The following TENM3 variants were observed in gnomAD, a reference collection of about 807,000 sequenced individuals.
TENM3 encodes teneurin-3.
A neutral mutation model predicts 255.1 loss-of-function variants in TENM3; 63 were observed. The observed-to-expected ratio is 0.25, with a 90% confidence interval of 0.20 to 0.30. The LOEUF is 0.30. TENM3 is among the 10% of genes least tolerant of loss of function. The pLI is 1.00. For missense variants in TENM3, 2,929 were observed against 3,461.1 expected (o/e 0.85, Z 3.86); for synonymous variants, 1,306 against 1,322.3 (o/e 0.99, Z 0.27).
At chr4:182,164,705 T>A (rs2149664323) in intron 1 of TENM3, among the ~76,000 whole-genome samples, 1 of 152,362 alleles carries the variant, frequency 6.6e-6, no homozygotes, top group East Asian at 1.9e-4. Flanking sequence ...TGCTCCCTTT[T>A]GTTTAACTGG....
intron 4 of TENM3, among the ~76,000 whole-genome samples, chr4:182,615,036 A>AAG (rs1749345814): frequency 1.2e-5 from 1 of 84,712 alleles, no homozygotes; most frequent in Non-Finnish European, 2.5e-5. Flanking sequence ...CAGAAAAAAA[A>AAG]AAAAAAATAC....
At chr4:182,398,366 G>T (rs1768996421) in intron 3 of TENM3, among the ~76,000 whole-genome samples, 1 of 151,984 alleles carries the variant, frequency 6.6e-6, no homozygotes, top group African/African-American at 2.4e-5. Flanking sequence ...CCTCCACTGG[G>T]GTTACTGTAG....
chr4:181,887,556 T>C, the TENM3 span, among the ~76,000 whole-genome samples: 2 of 152,220 alleles, frequency 1.3e-5, no homozygotes, highest in African/African-American at 4.8e-5. Context: ...CCTTGAATCA[T>C]GCTTTATATT....
the TENM3 span, among the ~76,000 whole-genome samples, chr4:182,138,705 G>C: frequency 1.3e-5 from 2 of 152,198 alleles, no homozygotes; most frequent in African/African-American, 4.8e-5. Context: ...GTATCTACAT[G>C]TTATAGGTGC....
At chr4:182,658,488 A>G (rs13132478) in intron 6 of TENM3, among the ~76,000 whole-genome samples, 26,588 of 152,106 alleles carry the variant, frequency 0.17, 2,440 homozygotes, top group African/African-American at 0.19. Flanking sequence ...TCAACTACAT[A>G]TTTTGTAGAC....
In TENM3 at chr4:182,443,466, G is replaced by T. The variant is rs574633620; in HGVS notation, c.511+96537G>T. Among the ~76,000 whole-genome samples the T allele has an allele frequency of 3.9e-5, 6 of 152,268 alleles. No individual in the cohort carries two copies. The South Asian group carries it at 1.0e-3, about 26-fold the overall frequency. ...TTGGACACCTGATGGCTTGACTTGG[G>T]TTGGGTCCTCAGCTCTTGCTACGTA... On this transcript the variant is annotated intron_variant, in intron 3 of 27. Coordinates refer to ENST00000511685, the MANE Select transcript of TENM3 (RefSeq NM_001080477.4).
the TENM3 span, among the ~76,000 whole-genome samples, chr4:181,817,023 G>A: frequency 6.6e-6 from 1 of 152,196 alleles, no homozygotes; most frequent in African/African-American, 2.4e-5. Context: ...CACGTGCAAA[G>A]TGTATGTCAC....
intron 1 of TENM3, among the ~76,000 whole-genome samples, chr4:182,265,301 T>A (rs1759174233): frequency 6.6e-6 from 1 of 152,168 alleles, no homozygotes; most frequent in East Asian, 1.9e-4. Flanking sequence ...ACTTGACTCT[T>A]TGCACACTTG....
Position 182,799,736 on chromosome 4 carries a change from G to T in TENM3, c.7485G>T (p.Leu2495=). The change falls in exon 28 of 28, where the codon CTG becomes CTT. Residue 2495 remains leucine (L), a synonymous_variant. Coordinates refer to ENST00000511685, the MANE Select transcript of TENM3 (RefSeq NM_001080477.4). The surrounding 1 kb of genome is among the most constrained non-coding windows in gnomAD (Gnocchi z 4.2). Reference sequence around the variant, plus strand: ...TGTGGTTCGCCACGGTCAAGTCGCTGATCGGCAAGGGCGTCATGCTGGCCG... The same window carrying T: ...TGTGGTTCGCCACGGTCAAGTCGCTTATCGGCAAGGGCGTCATGCTGGCCG... ...SWLWFATVKS[L]IGKGVMLAVS... 1 of 1,559,080 alleles carries T rather than the reference G, an allele frequency of 6.4e-7. No homozygotes were observed. The highest frequency in any genetic ancestry group is 1.2e-5 in the South Asian group (1 of 84,486).
At chr4:181,924,170 A>T in the TENM3 span, among the ~76,000 whole-genome samples, 2 of 152,112 alleles carry the variant, frequency 1.3e-5, no homozygotes, top group Non-Finnish European at 2.9e-5. Flanking sequence ...AAACCAATGG[A>T]TTCCCCAAAT....
chr4:182,026,305 A>AT, the TENM3 span, among the ~76,000 whole-genome samples: 653 of 151,998 alleles, frequency 4.3e-3, 6 homozygotes, highest in African/African-American at 0.015. Flanking sequence ...TTTTAATTGG[A>AT]TTGTTAGATT....
chr4:182,606,136 C>A (rs977375287), intron 4 of TENM3, among the ~76,000 whole-genome samples: 35 of 152,134 alleles, frequency 2.3e-4, no homozygotes, highest in African/African-American at 8.0e-4. Context: ...CTATTGGCCT[C>A]CAAAATATGT....
chr4:182,605,375 A>G (rs6818877), intron 4 of TENM3, among the ~76,000 whole-genome samples: 48,896 of 151,906 alleles, frequency 0.32, 9,718 homozygotes, highest in East Asian at 0.66. Flanking sequence ...ATTACTGAAT[A>G]TGGAAAAGAG....
the TENM3 span, among the ~76,000 whole-genome samples, chr4:181,618,123 CCT>C: frequency 1.3e-5 from 2 of 152,152 alleles, no homozygotes; most frequent in Non-Finnish European, 2.9e-5. Context: ...ATTTACTTCC[CCT>C]GAGTATAGCA....
At chr4:181,903,064 G>A in the TENM3 span, among the ~76,000 whole-genome samples, 1 of 152,080 alleles carries the variant, frequency 6.6e-6, no homozygotes, top group Admixed American at 6.6e-5. Flanking sequence ...TTATCCATGA[G>A]TGGTTTCCTA....
In TENM3 at chr4:182,681,888, G is replaced by A. The variant is rs754999907; in HGVS notation, c.1909G>A (p.Gly637Arg). ...GGAATGTCACTGCAGTCCAGGATGG[G>A]GAGGTAGCAATTGTGAAATACTGAA... ...HGECHCSPGWGGSNCEILKTM... is the reference protein window; with the variant it reads ...HGECHCSPGWRGSNCEILKTM... The change falls in exon 11 of 28, where the codon GGA becomes AGA. Residue 637 changes from glycine to arginine, a missense_variant. This residue lies in a region of TENM3 where 1,608 missense variants were observed against 1,884.4 expected (regional missense o/e 0.85). Transcript: ENST00000511685. The A allele has an allele frequency of 6.2e-7, 1 of 1,613,916 alleles. No homozygotes were observed. The highest frequency in any genetic ancestry group is 1.1e-5 in the South Asian group (1 of 91,076).
the TENM3 span, among the ~76,000 whole-genome samples, chr4:181,951,549 C>T: frequency 6.6e-6 from 1 of 152,166 alleles, no homozygotes; most frequent in African/African-American, 2.4e-5. Flanking sequence ...CGGCAAAGTC[C>T]ATATTTGAAA....
In TENM3 at chr4:182,628,707, C is replaced by A; in HGVS notation, c.806C>A (p.Pro269Gln). The A allele has an allele frequency of 6.2e-7, 1 of 1,607,916 alleles. No homozygotes were observed. ...ACGCCACTGTTCAGTACTGCAACCCCAGGATACACAATGGCATCTGGCTCT... is the reference window on the plus strand; with the variant it reads ...ACGCCACTGTTCAGTACTGCAACCCAAGGATACACAATGGCATCTGGCTCT... Reference protein sequence around the residue: ...GTTPLFSTATPGYTMASGSVY... With the variant: ...GTTPLFSTATQGYTMASGSVY... Residue 269 changes from proline (P) to glutamine (Q), a missense_variant, in exon 5 of 28, where the codon CCA becomes CAA. Transcript: ENST00000511685.
the TENM3 span, among the ~76,000 whole-genome samples, chr4:181,733,177 C>G: frequency 6.6e-6 from 1 of 152,004 alleles, no homozygotes; most frequent in African/African-American, 2.4e-5. Context: ...GAAAGTAGAA[C>G]CTTATTTTTC....
Sources: allele counts gnomAD v4.1 joint callset (sites outside exome capture counted in the v4.1 genomes callset), GRCh38; gene constraint gnomAD v4.1.1; regional missense constraint gnomAD v4.1.1; non-coding constraint Gnocchi (gnomAD v3.1); transcripts MANE v1.5; gene names NCBI Gene and HGNC (gene_info 2026-07-23, HGNC 2026-07-21).